The following DTNB variants were observed in gnomAD, a reference collection of about 807,000 sequenced individuals.
DTNB encodes the protein DTN-B.
In DTNB, 63 loss-of-function variants were observed where a neutral mutation model predicts 90.7. The ratio of observed to expected loss-of-function variants is 0.69; its 90% CI spans 0.57 to 0.86. DTNB has a LOEUF of 0.86. DTNB is among the 40% of genes least tolerant of loss of function. The pLI is 0.00. For synonymous variants in DTNB, 277 were observed against 286.7 expected, an observed-to-expected ratio of 0.97 and a Z score of 0.34; for missense variants, 744 against 807.1, an observed-to-expected ratio of 0.92 and a Z score of 0.95.
intron 8 of DTNB, chr2:25,558,550 C>T (rs1427789278): frequency 3.7e-6 from 1 of 273,310 alleles, no homozygotes; most frequent in Non-Finnish European, 5.6e-6. Context: ...TCCTTGTCAT[C>T]GCTCTAAGAA....
chr2:25,454,022 C>T (rs756530192), intron 11 of DTNB, among the ~76,000 whole-genome samples: 12 of 151,876 alleles, frequency 7.9e-5, no homozygotes, highest in Non-Finnish European at 1.5e-4. Context: ...TGGTGATGAG[C>T]GCCTGTGGTC....
intron 6 of DTNB, among the ~76,000 whole-genome samples, chr2:25,593,176 T>C (rs1171448809): frequency 6.6e-6 from 1 of 152,226 alleles, no homozygotes; most frequent in Non-Finnish European, 1.5e-5. Context: ...GATTTTCAGC[T>C]TCTTTCTTAA....
chr2:25,421,570 T>A (rs1302605224), intron 15 of DTNB, among the ~76,000 whole-genome samples: 1 of 152,264 alleles, frequency 6.6e-6, no homozygotes, highest in African/African-American at 2.4e-5. Flanking sequence ...AGGACAGTTA[T>A]TAAACAATTA....
intron 16 of DTNB, among the ~76,000 whole-genome samples, chr2:25,391,126 G>A (rs969935315): frequency 8.6e-5 from 13 of 151,744 alleles, no homozygotes; most frequent in Non-Finnish European, 1.6e-4. Context: ...TCGATCTCCT[G>A]ACCTCGTGAT....
At chr2:25,451,317 T>C (rs1027608709) in intron 12 of DTNB, among the ~76,000 whole-genome samples, 2 of 152,158 alleles carry the variant, frequency 1.3e-5, no homozygotes, top group African/African-American at 4.8e-5. Context: ...TTCCCAATAT[T>C]AGGGGGAAAT....
intron 8 of DTNB, among the ~76,000 whole-genome samples, chr2:25,566,987 C>A (rs558619936): frequency 1.2e-3 from 177 of 152,306 alleles, no homozygotes; most frequent in African/African-American, 3.8e-3. Flanking sequence ...AACAAGGACA[C>A]TGACTGATAG....
chr2:25,618,304 T>C (rs1416900985), intron 4 of DTNB, among the ~76,000 whole-genome samples: 7 of 152,210 alleles, frequency 4.6e-5, no homozygotes, highest in Non-Finnish European at 1.0e-4. Flanking sequence ...CGCCCGACTT[T>C]GTTCTTTATC....
At chr2:25,572,923 G>A (rs553610664) in intron 8 of DTNB, among the ~76,000 whole-genome samples, 162 of 152,138 alleles carry the variant, frequency 1.1e-3, no homozygotes, top group Admixed American at 1.9e-3. Context: ...GGCTTTGGCT[G>A]TATGATAGAA....
intron 7 of DTNB, among the ~76,000 whole-genome samples, 198 bp downstream of exon 7, chr2:25,580,520 CAAA>C (rs367833124): frequency 1.8e-5 from 2 of 112,374 alleles, no homozygotes. Context: ...GACTCTGTCT[CAAA>C]AAAAAAAAAA....
At chr2:25,467,599 C>T (rs995755264) in intron 10 of DTNB, among the ~76,000 whole-genome samples, 13 of 152,090 alleles carry the variant, frequency 8.5e-5, no homozygotes, top group Non-Finnish European at 4.4e-5. Context: ...CCACTAGCGC[C>T]CAGCCTTGTA....
intron 4 of DTNB, among the ~76,000 whole-genome samples, chr2:25,619,197 C>A (rs911703369): frequency 1.3e-5 from 2 of 152,146 alleles, no homozygotes; most frequent in African/African-American, 4.8e-5. Context: ...CAAGCTGTTT[C>A]TATCTCTTTA....
chr2:25,564,444 G>A (rs1559046321), intron 8 of DTNB, among the ~76,000 whole-genome samples: 4 of 151,860 alleles, frequency 2.6e-5, no homozygotes, highest in Admixed American at 1.3e-4. Flanking sequence ...ACAGTGGTGC[G>A]ATCTTGGCTA....
At chr2:25,653,440 A>G (rs1220809249) in intron 1 of DTNB, among the ~76,000 whole-genome samples, 4 of 150,054 alleles carry the variant, frequency 2.7e-5, no homozygotes, top group Admixed American at 6.6e-5. Context: ...TTTAAAAAAA[A>G]AAAAAAGAAA....
At chr2:25,382,485 C>T (rs905621419) in intron 19 of DTNB, among the ~76,000 whole-genome samples, 5 of 145,310 alleles carry the variant, frequency 3.4e-5, no homozygotes, top group South Asian at 4.3e-4. Context: ...ATTAAGAGCA[C>T]GAAGTTTGGA....
intron 16 of DTNB, among the ~76,000 whole-genome samples, chr2:25,403,884 A>G (rs971075423): frequency 6.6e-6 from 1 of 152,174 alleles, no homozygotes; most frequent in Non-Finnish European, 1.5e-5. Flanking sequence ...CTCCCACATC[A>G]GCCTCCCTTG....
intron 8 of DTNB, among the ~76,000 whole-genome samples, chr2:25,538,139 TTGGGAGGTCAAGG>T (rs746788711): frequency 1.8e-4 from 28 of 152,108 alleles, no homozygotes; most frequent in Non-Finnish European, 1.2e-4. Context: ...TGCCAGCACT[TTGGGAGGTCAAGG>T]TGGGAGGATC....
At chr2:25,566,370 C>T (rs1486880528) in intron 8 of DTNB, among the ~76,000 whole-genome samples, 3 of 152,144 alleles carry the variant, frequency 2.0e-5, no homozygotes, top group Admixed American at 6.5e-5. Flanking sequence ...ACTGACACTT[C>T]GATTTCAGCT....
intron 8 of DTNB, among the ~76,000 whole-genome samples, chr2:25,532,980 G>C (rs771920770): frequency 1.3e-5 from 2 of 152,130 alleles, no homozygotes; most frequent in Non-Finnish European, 2.9e-5. Flanking sequence ...CAGAAACTTC[G>C]TATATTGGCT....
At chr2:25,616,630 T>TAAAAAAAAAAAAAAAAA (rs58950790) in intron 4 of DTNB, among the ~76,000 whole-genome samples, 6 of 117,678 alleles carry the variant, frequency 5.1e-5, no homozygotes, top group African/African-American at 1.7e-4. Context: ...CTATTTATAG[T>TAAAAAAAAAAAAAAAAA]AAAAAAAAAA....
Sources: gnomAD v4.1 joint callset for allele counts (sites outside exome capture counted in the v4.1 genomes callset) on GRCh38, gnomAD v4.1.1 for gene constraint, MANE v1.5 for transcripts, NCBI Gene and HGNC (gene_info 2026-07-23, HGNC 2026-07-21) for gene names.